Variants in CDS1 observed in about 807,000 individuals in gnomAD.
CDS1 encodes CDP-diacylglycerol synthase 1.
CDS1 carries 41 observed loss-of-function variants against 62.1 expected under a neutral mutation model. The observed-to-expected ratio is 0.66, with a 90% confidence interval of 0.51 to 0.86. CDS1 has a LOEUF of 0.86. Among genes scored for constraint, CDS1 ranks in the 40% least tolerant of loss-of-function variants. The pLI, the probability that CDS1 is intolerant of heterozygous loss-of-function variation, is 0.00. For missense variants in CDS1, 470 were observed against 550.1 expected, an observed-to-expected ratio of 0.85 and a Z score of 1.46; for synonymous variants, 185 against 192.6, an observed-to-expected ratio of 0.96 and a Z score of 0.32.
chr4:84,622,311 A>G (rs2148650162), intron 5 of CDS1, among the ~76,000 whole-genome samples: 1 of 152,268 alleles, frequency 6.6e-6, no homozygotes, highest in East Asian at 1.9e-4. Context: ...ACTGCGGGCC[A>G]GGTGCGGTGG....
intron 4 of CDS1, among the ~76,000 whole-genome samples, chr4:84,618,848 AG>A (rs1445582835): frequency 6.6e-6 from 1 of 152,162 alleles, no homozygotes; most frequent in Non-Finnish European, 1.5e-5. Flanking sequence ...AATCTTCCTG[AG>A]GACAGGTGGG....
chr4:84,592,432 C>G (rs1722620998), intron 1 of CDS1, among the ~76,000 whole-genome samples: 1 of 152,130 alleles, frequency 6.6e-6, no homozygotes. Context: ...CTTGGCCTCC[C>G]AAAGTGCTGG....
intron 7 of CDS1, 116 bp from the exon 8 acceptor site, chr4:84,635,148 G>T (rs1270300156): frequency 1.3e-5 from 8 of 611,528 alleles, no homozygotes; most frequent in Admixed American, 3.2e-5. Flanking sequence ...GTAGGCTGCA[G>T]TGCAATCCAA....
At chr4:84,596,348 T>C (rs1426453991) in intron 1 of CDS1, among the ~76,000 whole-genome samples, 1 of 152,206 alleles carries the variant, frequency 6.6e-6, no homozygotes, top group Non-Finnish European at 1.5e-5. Context: ...CTCCCTAGGC[T>C]AAAGTGAAGA....
At chr4:84,592,974 A>G (rs1349724270) in intron 1 of CDS1, among the ~76,000 whole-genome samples, 4 of 152,208 alleles carry the variant, frequency 2.6e-5, no homozygotes, top group South Asian at 2.1e-4. Flanking sequence ...CTGTGGGTCA[A>G]TGAATATTTA....
intron 1 of CDS1, among the ~76,000 whole-genome samples, chr4:84,599,999 G>A (rs183716672): frequency 1.6e-3 from 238 of 152,162 alleles, no homozygotes; most frequent in African/African-American, 5.4e-3. Context: ...CATTCTCACC[G>A]GCAGTGCGCA....
intron 1 of CDS1, among the ~76,000 whole-genome samples, chr4:84,599,775 C>T (rs1166992031): frequency 6.6e-6 from 1 of 152,036 alleles, no homozygotes; most frequent in Non-Finnish European, 1.5e-5. Context: ...CATAATTTGT[C>T]CATTTCCCTG....
chr4:84,601,180 A>AAAAAAAAAAAAG (rs1226232084), intron 1 of CDS1, among the ~76,000 whole-genome samples: 45 of 151,300 alleles, frequency 3.0e-4, no homozygotes, highest in African/African-American at 1.1e-3. Flanking sequence ...CTCAAAAAAA[A>AAAAAAAAAAAAG]AAAAAAAGAG....
intron 2 of CDS1, 55 bp downstream of exon 2, chr4:84,604,425 A>G (rs1217831223): frequency 1.3e-6 from 2 of 1,551,654 alleles, no homozygotes; most frequent in Admixed American, 2.1e-5. Context: ...CTTTGAGGTT[A>G]TCCTTGTCCA....
intron 11 of CDS1, among the ~76,000 whole-genome samples, chr4:84,644,318 A>C (rs1184692581): frequency 6.6e-6 from 1 of 152,228 alleles, no homozygotes; most frequent in African/African-American, 2.4e-5. Flanking sequence ...GAAGGCTGTA[A>C]TAGCAGAGTG....
chr4:84,642,692 T>TA (rs1724423898), intron 10 of CDS1, among the ~76,000 whole-genome samples: 1 of 152,152 alleles, frequency 6.6e-6, no homozygotes, highest in Non-Finnish European at 1.5e-5. Context: ...ATTACTAGTT[T>TA]AAAAAAATTT....
At chr4:84,631,240 G>C (rs138487717) in intron 5 of CDS1, among the ~76,000 whole-genome samples, 1 of 152,236 alleles carries the variant, frequency 6.6e-6, no homozygotes. Context: ...GTGATCCTCA[G>C]TAAATTATTA....
intron 5 of CDS1, among the ~76,000 whole-genome samples, chr4:84,620,528 G>C (rs897187928): frequency 6.6e-6 from 1 of 150,952 alleles, no homozygotes; most frequent in Admixed American, 6.7e-5. Context: ...GGCCTAATTA[G>C]TTTTTTAGAC....
At chr4:84,592,959 G>A (rs990086070) in intron 1 of CDS1, among the ~76,000 whole-genome samples, 3 of 152,128 alleles carry the variant, frequency 2.0e-5, no homozygotes, top group Non-Finnish European at 4.4e-5. Context: ...ACAATATGGG[G>A]CTGTCTGTGG....
At chr4:84,645,176 A>C (rs2148661669) in intron 11 of CDS1, 46 bp from the exon 12 acceptor site, 2 of 1,171,520 alleles carry the variant, frequency 1.7e-6, no homozygotes, top group South Asian at 2.4e-5. Flanking sequence ...ATTTTATAGC[A>C]GGTGATTTTT....
chr4:84,648,422 A>G lies in CDS1; in HGVS notation c.1257-135A>G. 4 of 744,154 alleles carry G rather than the reference A, an allele frequency of 5.4e-6. No homozygotes were observed. In the South Asian group the frequency reaches 7.2e-5, roughly 13 times the overall value. 46.1% of individuals were successfully genotyped at this position (744,154 alleles called of 1,614,324 possible). A position where few individuals can be genotyped will look rare whatever the true frequency, so the allele number is the denominator to read the frequency against. ...ACATTGCACATTAAAGTGAGCTATTATCAAGAGCTATTTTAATTCTGTAAA... is the reference window on the plus strand; with the variant it reads ...ACATTGCACATTAAAGTGAGCTATTGTCAAGAGCTATTTTAATTCTGTAAA... On this transcript the variant is annotated intron_variant, in intron 12 of 12. Transcript: ENST00000295887.
Position 84,643,115 on chromosome 4 carries a change from G to C in CDS1, c.1124G>C (p.Ser375Thr). Residue 375 changes from serine (S) to threonine (T), a missense_variant, in exon 11 of 13, where the codon AGT (serine) becomes ACT (threonine). Transcript: ENST00000295887. ...LIGPFGGFFA[S>T]GFKRAFKIKD... ...GGCCCATTTGGAGGCTTCTTTGCTAGTGGATTCAAAAGAGCCTTCAAAATC... is the reference window on the plus strand; with the variant it reads ...GGCCCATTTGGAGGCTTCTTTGCTACTGGATTCAAAAGAGCCTTCAAAATC... 1.2e-6 allele frequency: 2 copies of C among 1,613,090 alleles called. No individual in the cohort carries two copies. The highest frequency in any genetic ancestry group is 1.7e-6 in the Non-Finnish European group (2 of 1,179,444).
At chr4:84,642,943 A>G (rs565018811) in intron 10 of CDS1, 81 bp from the exon 11 acceptor site, 39 of 1,355,486 alleles carry the variant, frequency 2.9e-5, no homozygotes, top group South Asian at 1.5e-4. Flanking sequence ...TATTTACACA[A>G]TGGTTCTTAG....
intron 5 of CDS1, among the ~76,000 whole-genome samples, chr4:84,626,515 G>A (rs1055392363): frequency 1.3e-5 from 2 of 152,100 alleles, no homozygotes; most frequent in Non-Finnish European, 2.9e-5. Context: ...TGAATTCCTG[G>A]ACTCAACTTA....
Sources: allele counts gnomAD v4.1 joint callset (sites outside exome capture counted in the v4.1 genomes callset), GRCh38; gene constraint gnomAD v4.1.1; transcripts MANE v1.5; gene names NCBI Gene and HGNC (gene_info 2026-07-23, HGNC 2026-07-21).